RARB: variants seen among roughly 807,000 people sequenced by gnomAD.
RARB encodes HBV-activated protein.
A neutral mutation model predicts 51.9 loss-of-function variants in RARB; 17 were observed. The ratio of observed to expected loss-of-function variants is 0.33; its 90% CI spans 0.22 to 0.49. RARB has a LOEUF of 0.49. Ranked by LOEUF, RARB falls within the 20% of genes least tolerant of loss-of-function variation. The pLI, the probability that RARB is intolerant of heterozygous loss-of-function variation, is 0.99. For missense variants in RARB, 369 were observed against 550.8 expected, an observed-to-expected ratio of 0.67 and a Z score of 3.30; for synonymous variants, 215 against 195.4, an observed-to-expected ratio of 1.10 and a Z score of -0.84.
chr3:25,370,792 C>G (rs989201089), intron 5 of RARB, among the ~76,000 whole-genome samples: 19 of 152,314 alleles, frequency 1.2e-4, no homozygotes, highest in African/African-American at 4.6e-4. Context: ...TTGCTGGCGT[C>G]AAACAACAGA....
chr3:25,219,227 C>A (rs1026268642), intron 5 of RARB, among the ~76,000 whole-genome samples: 1 of 150,686 alleles, frequency 6.6e-6, no homozygotes, highest in Non-Finnish European at 1.5e-5. Flanking sequence ...ATGATCCTCT[C>A]TCTTGAAAGG....
intron 5 of RARB, among the ~76,000 whole-genome samples, chr3:25,299,743 G>T (rs1312353156): frequency 1.3e-5 from 2 of 151,272 alleles, no homozygotes; most frequent in Non-Finnish European, 2.9e-5. Context: ...CCTACTAAAA[G>T]GTCTGTGGCA....
At chr3:25,202,808 T>C (rs552814370) in intron 5 of RARB, among the ~76,000 whole-genome samples, 167 of 152,368 alleles carry the variant, frequency 1.1e-3, no homozygotes, top group Non-Finnish European at 1.1e-3. Flanking sequence ...GACAGTCTGT[T>C]ATAATTTCTG....
At chr3:25,119,467 A>G (rs1225712160) in intron 3 of RARB, among the ~76,000 whole-genome samples, 1 of 152,136 alleles carries the variant, frequency 6.6e-6, no homozygotes, top group Non-Finnish European at 1.5e-5. Context: ...ATCGATGTTA[A>G]GAGAACTTAG....
intron 5 of RARB, among the ~76,000 whole-genome samples, chr3:25,421,451 G>T (rs1271638004): frequency 1.1e-5 from 1 of 91,076 alleles, no homozygotes; most frequent in Non-Finnish European, 1.9e-5. Flanking sequence ...TTGCTGTGTT[G>T]TCTAGGCTGG....
chr3:25,440,879 A>C (rs1708646334), intron 1 of RARB, among the ~76,000 whole-genome samples: 1 of 152,210 alleles, frequency 6.6e-6, no homozygotes, highest in Non-Finnish European at 1.5e-5. Context: ...AACCTTGTTC[A>C]CTGAAACATT....
At chr3:25,563,652 G>A (rs184715275) in intron 3 of RARB, among the ~76,000 whole-genome samples, 11 of 152,280 alleles carry the variant, frequency 7.2e-5, no homozygotes, top group African/African-American at 1.9e-4. Context: ...ATGGTAGCTC[G>A]TTTACATGAT....
intron 5 of RARB, among the ~76,000 whole-genome samples, chr3:25,354,692 C>T (rs1250895652): frequency 6.6e-6 from 1 of 152,052 alleles, no homozygotes; most frequent in African/African-American, 2.4e-5. Context: ...TAAAATGCCT[C>T]AGTATTTCAT....
chr3:25,463,345 T>C (rs1283888134), intron 2 of RARB, among the ~76,000 whole-genome samples: 1 of 152,114 alleles, frequency 6.6e-6, no homozygotes, highest in African/African-American at 2.4e-5. Flanking sequence ...TCATACATAG[T>C]CTGGCATATA....
At chr3:25,583,947 G>A (rs1425789110) in intron 5 of RARB, among the ~76,000 whole-genome samples, 1 of 152,140 alleles carries the variant, frequency 6.6e-6, no homozygotes, top group East Asian at 1.9e-4. Context: ...CCCGGAGCAG[G>A]AGTGACCCCT....
At chr3:25,460,577 A>G (rs1374236212) in intron 1 of RARB, among the ~76,000 whole-genome samples, 1 of 151,870 alleles carries the variant, frequency 6.6e-6, no homozygotes, top group Non-Finnish European at 1.5e-5. Context: ...CCTCCTGAGT[A>G]GCTGGGATTA....
At chr3:25,138,855 T>C (rs1700070266) in intron 4 of RARB, among the ~76,000 whole-genome samples, 1 of 152,192 alleles carries the variant, frequency 6.6e-6, no homozygotes, top group Non-Finnish European at 1.5e-5. Flanking sequence ...TTTTACAAAT[T>C]GAAGGCTTGT....
chr3:25,047,846 G>A (rs1200683949), intron 2 of RARB, among the ~76,000 whole-genome samples: 1 of 152,116 alleles, frequency 6.6e-6, no homozygotes, highest in Non-Finnish European at 1.5e-5. Context: ...GGTTTTCTGT[G>A]TCCCCACCCA....
intron 3 of RARB, among the ~76,000 whole-genome samples, chr3:25,503,935 G>A (rs547274109): frequency 1.2e-3 from 177 of 152,288 alleles, no homozygotes; most frequent in African/African-American, 4.1e-3. Context: ...GGTTCTCCCA[G>A]CAGTCCCAAC....
chr3:25,075,113 G>C (rs1214651778), intron 3 of RARB, among the ~76,000 whole-genome samples: 1 of 152,150 alleles, frequency 6.6e-6, no homozygotes, highest in Non-Finnish European at 1.5e-5. Context: ...CAGGCACAGA[G>C]AATATGTAAC....
chr3:25,345,478 A>C (rs1283857426), intron 5 of RARB, among the ~76,000 whole-genome samples: 1 of 152,058 alleles, frequency 6.6e-6, no homozygotes, highest in South Asian at 2.1e-4. Flanking sequence ...CAGCCTGGCC[A>C]ATATGGTGAA....
At chr3:24,964,389 CT>C (rs1696210268) in intron 2 of RARB, among the ~76,000 whole-genome samples, 2 of 152,066 alleles carry the variant, frequency 1.3e-5, no homozygotes, top group African/African-American at 4.8e-5. Flanking sequence ...GAAGCATTAG[CT>C]TTGCAATACT....
intron 2 of RARB, among the ~76,000 whole-genome samples, chr3:24,946,868 TA>T (rs1383500047): frequency 6.6e-6 from 1 of 152,092 alleles, no homozygotes. Flanking sequence ...CTGTCAATCA[TA>T]ATAGTAATAA....
At chr3:24,859,272 G>C (rs925185163) in intron 2 of RARB, among the ~76,000 whole-genome samples, 4 of 152,144 alleles carry the variant, frequency 2.6e-5, no homozygotes, top group Non-Finnish European at 5.9e-5. Flanking sequence ...CTGGGAGCTT[G>C]AGGGTTTTGC....
Sources: gnomAD v4.1 joint callset for allele counts (sites outside exome capture counted in the v4.1 genomes callset) on GRCh38, gnomAD v4.1.1 for gene constraint, MANE v1.5 for transcripts, NCBI Gene and HGNC (gene_info 2026-07-23, HGNC 2026-07-21) for gene names.